Variants in PYGL observed in about 807,000 individuals in gnomAD.
PYGL encodes the protein glycogen phosphorylase L, also known as glycogen phosphorylase, liver form.
Under a neutral mutation model 100.1 loss-of-function variants are expected in PYGL, and 90 were observed. The observed-to-expected ratio is 0.90, with a 90% confidence interval of 0.76 to 1.07. The LOEUF is 1.07. Among genes scored for constraint, PYGL ranks in the 50% least tolerant of loss-of-function variants. The pLI is 0.00. For missense variants in PYGL, 1,016 were observed against 1,057.6 expected (o/e 0.96, Z 0.55); for synonymous variants, 373 against 393.0 (o/e 0.95, Z 0.60).
At chr14:50,929,552 A>AC (rs1282471872) in intron 4 of PYGL, among the ~76,000 whole-genome samples, 2 of 152,188 alleles carry the variant, frequency 1.3e-5, no homozygotes, top group East Asian at 3.8e-4. Context: ...TATACCTGAG[A>AC]CAAAAAAAAA....
In PYGL at chr14:50,912,049, G is replaced by T. The variant is rs1453307297; in HGVS notation, c.1769-13C>A. ...TCTTTCTTAATGCCTGAAAAAGATG[G>T]AGAAGTGGATGAAATGGAAGACAGC... On this transcript the variant is annotated splice_polypyrimidine_tract_variant and intron_variant, in intron 14 of 19. Coordinates refer to ENST00000216392, the MANE Select transcript of PYGL (RefSeq NM_002863.5). 6.2e-7 allele frequency: 1 copy of T among 1,613,694 alleles called. No homozygotes were observed. The highest frequency in any genetic ancestry group is 8.5e-7 in the Non-Finnish European group (1 of 1,179,658).
chr14:50,906,972 G>A (rs1431572123), intron 19 of PYGL, among the ~76,000 whole-genome samples: 1 of 152,198 alleles, frequency 6.6e-6, no homozygotes, highest in Non-Finnish European at 1.5e-5. Context: ...TCTGCCTTGG[G>A]AAAGGAGTAG....
intron 17 of PYGL, 99 bp downstream of exon 17, chr14:50,909,796 T>G: frequency 7.3e-7 from 1 of 1,361,640 alleles, no homozygotes; most frequent in Non-Finnish European, 1.0e-6. Flanking sequence ...GTGATCCAAT[T>G]TCAGTGGGAT....
intron 4 of PYGL, among the ~76,000 whole-genome samples, chr14:50,930,247 G>C (rs1243912728): frequency 6.6e-6 from 1 of 152,156 alleles, no homozygotes; most frequent in Non-Finnish European, 1.5e-5. Flanking sequence ...GCATTTTATT[G>C]TGTGCCAGAT....
chr14:50,918,906 G>C (rs1229234530), intron 7 of PYGL, among the ~76,000 whole-genome samples: 1 of 152,088 alleles, frequency 6.6e-6, no homozygotes, highest in Non-Finnish European at 1.5e-5. Context: ...GAATATCTGG[G>C]GCTCTGAACT....
At chr14:50,930,566 C>T (rs1276039817) in intron 4 of PYGL, among the ~76,000 whole-genome samples, 1 of 152,202 alleles carries the variant, frequency 6.6e-6, no homozygotes, top group Non-Finnish European at 1.5e-5. Context: ...TTCCTTGGCA[C>T]ATTCTCTCAT....
chr14:50,943,938 C>A (rs1366847045), intron 1 of PYGL, among the ~76,000 whole-genome samples: 2 of 152,240 alleles, frequency 1.3e-5, no homozygotes, highest in Admixed American at 1.3e-4. Flanking sequence ...GGGCGGGACA[C>A]TGGCGGGTGG....
intron 7 of PYGL, among the ~76,000 whole-genome samples, 164 bp from the exon 8 acceptor site, chr14:50,917,269 C>T (rs1299059097): frequency 1.3e-5 from 2 of 152,090 alleles, no homozygotes; most frequent in Non-Finnish European, 2.9e-5. Flanking sequence ...TTTCCTGAGA[C>T]CCCATGAAAA....
chr14:50,944,356 G>T lies in PYGL; in HGVS notation c.48C>A (p.Ile16=). The T allele has an allele frequency of 6.2e-7, 1 of 1,613,724 alleles. No individual in the cohort carries two copies. Among genetic ancestry groups the T allele is most frequent in the Non-Finnish European group, 8.5e-7 (1 of 1,179,844 alleles). The change falls in exon 1 of 20, where the codon ATC becomes ATA. Residue 16 remains isoleucine, a synonymous_variant. Coordinates refer to ENST00000216392, the MANE Select transcript of PYGL (RefSeq NM_002863.5). ...TDQEKRRQIS[I]RGIVGVENVA... ...CGTTCTCCACGCCCACGATGCCGCG[G>T]ATGCTGATCTGCCGCCGCTTCTCCT... is the stretch of plus-strand genomic sequence containing the variant.
chr14:50,928,092 C>G (rs766694869), intron 4 of PYGL, among the ~76,000 whole-genome samples: 1 of 152,104 alleles, frequency 6.6e-6, no homozygotes, highest in Non-Finnish European at 1.5e-5. Flanking sequence ...AGTAAAAGAG[C>G]CAACCTGGGT....
At chr14:50,929,553 CA>C (rs928798779) in intron 4 of PYGL, among the ~76,000 whole-genome samples, 5 of 147,936 alleles carry the variant, frequency 3.4e-5, no homozygotes, top group African/African-American at 7.4e-5. Flanking sequence ...ATACCTGAGA[CA>C]AAAAAAAAAT....
In PYGL at chr14:50,905,353, T is replaced by G. The variant is rs563405477; in HGVS notation, c.*39A>C. On this transcript the variant is annotated 3_prime_UTR_variant, in exon 20 of 20. Coordinates refer to ENST00000216392, the MANE Select transcript of PYGL (RefSeq NM_002863.5). ...GTGAATGTTGTAAAAATGTTCAAGT[T>G]CAGTAAGAAGCTATGTTTTCTAGAG... The G allele has an allele frequency of 6.4e-7, 1 of 1,572,954 alleles. No individual in the cohort carries two copies. Among genetic ancestry groups the G allele is most frequent in the African/African-American group, 1.4e-5 (1 of 73,164 alleles).
Position 50,908,320 on chromosome 14 carries a change from T to A in PYGL, c.2330A>T (p.Asp777Val). ...TTGACACTTGACATAGGCTTCGTAG[T>A]CTGCAAAGACTTTAAACCTTTTATT... Reference protein sequence around the residue: ...FYHDRFKVFADYEAYVKCQDK... With the variant: ...FYHDRFKVFAVYEAYVKCQDK... The change falls in exon 19 of 20, where the codon GAC (aspartate) becomes GTC (valine). Residue 777 changes from aspartate to valine, a missense_variant. Asp to Val is a radical substitution (Grantham distance 152). Coordinates refer to ENST00000216392, the MANE Select transcript of PYGL (RefSeq NM_002863.5). 10 of 1,603,026 alleles carry A rather than the reference T, an allele frequency of 6.2e-6. No homozygotes were observed. The highest frequency in any genetic ancestry group is 1.1e-5 in the South Asian group (1 of 90,886).
rs2050642539 is a variant in PYGL, at chr14:50,935,099, T to C, written c.424+8A>G. On this transcript the variant is annotated splice_region_variant and intron_variant, in intron 3 of 19. Coordinates refer to ENST00000216392, the MANE Select transcript of PYGL (RefSeq NM_002863.5). ...CAGACAATATAATACACTCACAATG[T>C]CACTTACCAGCAAGTCTCCCAAGAC... 1 of 1,600,018 alleles carries C rather than the reference T, an allele frequency of 6.2e-7. No individual in the cohort carries two copies. Among genetic ancestry groups the C allele is most frequent in the African/African-American group, 1.3e-5 (1 of 74,602 alleles).
Position 50,937,893 on chromosome 14 carries a change from A to G in PYGL, c.244-56T>C, listed in dbSNP as rs950327373. On this transcript the variant is annotated intron_variant, in intron 1 of 19. Transcript: ENST00000216392. Reference sequence around the variant, plus strand: ...CCCCAAGAGATCAACCTCACTTAACATAAAAACACAAGGTCATGTGTTAGG... The same window carrying G: ...CCCCAAGAGATCAACCTCACTTAACGTAAAAACACAAGGTCATGTGTTAGG... 1.2e-5 allele frequency: 17 copies of G among 1,453,720 alleles called. No individual in the cohort carries two copies. In the African/African-American group the frequency reaches 1.7e-4, roughly 14 times the overall value. 90.1% of individuals were successfully genotyped at this position (1,453,720 alleles called of 1,614,324 possible).
At chr14:50,935,910 T>TG (rs2050650164) in intron 2 of PYGL, among the ~76,000 whole-genome samples, 1 of 152,156 alleles carries the variant, frequency 6.6e-6, no homozygotes, top group African/African-American at 2.4e-5. Flanking sequence ...TACTTTTCCC[T>TG]GGGGTGGATA....
intron 1 of PYGL, among the ~76,000 whole-genome samples, chr14:50,941,869 C>G (rs1252218791): frequency 1.3e-5 from 2 of 152,068 alleles, no homozygotes; most frequent in Non-Finnish European, 2.9e-5. Context: ...CAGAGTGAGA[C>G]TCTGTCACAA....
chr14:50,923,251 T>C (rs561775802), intron 5 of PYGL: 7 of 152,372 alleles, frequency 4.6e-5, no homozygotes, highest in Admixed American at 3.9e-4. Context: ...GCTTCCAGGA[T>C]TGATTGTGTA....
At chr14:50,944,085 A>G in intron 1 of PYGL, 76 bp downstream of exon 1, 1 of 1,504,920 alleles carries the variant, frequency 6.6e-7, no homozygotes, top group Non-Finnish European at 8.9e-7. Flanking sequence ...GGGGTTCTCC[A>G]CCTCGTCCCG....
Sources: allele counts gnomAD v4.1 joint callset (sites outside exome capture counted in the v4.1 genomes callset), GRCh38; gene constraint gnomAD v4.1.1; transcripts MANE v1.5; gene names NCBI Gene and HGNC (gene_info 2026-07-23, HGNC 2026-07-21).